SYN2: variants seen among roughly 807,000 people sequenced by gnomAD.
The protein encoded by SYN2 is synapsin-2.
Under a neutral mutation model 50.9 loss-of-function variants are expected in SYN2, and 19 were observed. That is an observed-to-expected ratio of 0.37 (90% CI 0.26 to 0.55). The LOEUF (loss-of-function observed/expected upper bound fraction) is 0.55. Among genes scored for constraint, SYN2 ranks in the 20% least tolerant of loss-of-function variants. The pLI is 0.81. For synonymous variants in SYN2, 255 were observed against 224.9 expected (o/e 1.13, Z -1.20); for missense variants, 587 against 576.4 (o/e 1.02, Z -0.19).
At chr3:12,065,897 T>C (rs1186192376) in intron 1 of SYN2, among the ~76,000 whole-genome samples, 1 of 152,110 alleles carries the variant, frequency 6.6e-6, no homozygotes, top group East Asian at 1.9e-4. Context: ...AGAGACCACA[T>C]GTTGTATGAT....
At chr3:12,040,383 A>G (rs1398452502) in intron 1 of SYN2, among the ~76,000 whole-genome samples, 1 of 151,424 alleles carries the variant, frequency 6.6e-6, no homozygotes, top group Non-Finnish European at 1.5e-5. Context: ...AGAGTGAGGC[A>G]GGAGGGTATT....
chr3:12,018,450 A>G (rs1694066122), intron 1 of SYN2, among the ~76,000 whole-genome samples: 1 of 152,210 alleles, frequency 6.6e-6, no homozygotes, highest in Non-Finnish European at 1.5e-5. Flanking sequence ...CCATAGAGCC[A>G]GGTGGTTAGC....
intron 1 of SYN2, among the ~76,000 whole-genome samples, chr3:12,083,292 G>A (rs1175004552): frequency 1.3e-5 from 2 of 152,220 alleles, no homozygotes; most frequent in African/African-American, 2.4e-5. Flanking sequence ...GATTACAGGC[G>A]TGAGCCACTG....
At chr3:12,179,374 GAAAAAAAAAAAAAA>G (rs536283283) in intron 10 of SYN2, among the ~76,000 whole-genome samples, 1 of 92,564 alleles carries the variant, frequency 1.1e-5, no homozygotes, top group Non-Finnish European at 2.1e-5. Flanking sequence ...AGAACTGAAA[GAAAAAAAAAAAAAA>G]AAAAAAAAAG....
At chr3:12,148,865 A>G (rs1418611377) in intron 4 of SYN2, among the ~76,000 whole-genome samples, 1 of 152,194 alleles carries the variant, frequency 6.6e-6, no homozygotes, top group Non-Finnish European at 1.5e-5. Flanking sequence ...ATATCTTCCT[A>G]TTAATTGCCA....
chr3:12,167,602 C>CT (rs376215814), intron 8 of SYN2, among the ~76,000 whole-genome samples: 3,906 of 146,460 alleles, frequency 0.027, 180 homozygotes, highest in African/African-American at 0.09. Flanking sequence ...CAAAATAAAC[C>CT]TTTTTTTTTT....
chr3:12,039,460 C>T (rs973103638), intron 1 of SYN2, among the ~76,000 whole-genome samples: 1 of 151,448 alleles, frequency 6.6e-6, no homozygotes, highest in Non-Finnish European at 1.5e-5. Context: ...TAAACTCTAC[C>T]TTTGTGCTAG....
intron 1 of SYN2, among the ~76,000 whole-genome samples, chr3:12,029,446 G>A (rs1226674437): frequency 4.0e-5 from 5 of 126,278 alleles, no homozygotes; most frequent in Admixed American, 7.6e-5. Context: ...GGATGGCATT[G>A]AATCTGTAAA....
intron 7 of SYN2, among the ~76,000 whole-genome samples, chr3:12,166,846 A>G (rs1030967185): frequency 6.6e-6 from 1 of 152,248 alleles, no homozygotes; most frequent in East Asian, 1.9e-4. Context: ...TGTACCTTCA[A>G]GTGGTTTTCA....
chr3:12,115,749 G>A (rs1274421975), intron 1 of SYN2, among the ~76,000 whole-genome samples: 4 of 152,072 alleles, frequency 2.6e-5, no homozygotes, highest in Non-Finnish European at 5.9e-5. Context: ...TGGGAGTGCT[G>A]TCTTGCTCCC....
At chr3:12,142,045 CTA>C in intron 3 of SYN2, 49 bp downstream of exon 3, 1 of 777,618 alleles carries the variant, frequency 1.3e-6, no homozygotes, top group Non-Finnish European at 2.4e-6. Flanking sequence ...TCCAGAGTTA[CTA>C]CCTCTGGCCC....
chr3:12,164,989 T>C (rs11922042), intron 7 of SYN2, among the ~76,000 whole-genome samples: 8,739 of 135,034 alleles, frequency 0.065, 335 homozygotes, highest in East Asian at 0.16. Flanking sequence ...CTTTTCTTTT[T>C]TTTTTTTTTT....
At chr3:12,111,533 C>T (rs917968338) in intron 1 of SYN2, among the ~76,000 whole-genome samples, 2 of 152,148 alleles carry the variant, frequency 1.3e-5, no homozygotes, top group Non-Finnish European at 2.9e-5. Flanking sequence ...TCAGGTCCTT[C>T]GGCAACCCTA....
chr3:12,166,272 C>T (rs924045490), intron 7 of SYN2, among the ~76,000 whole-genome samples: 4 of 152,368 alleles, frequency 2.6e-5, no homozygotes, highest in African/African-American at 9.6e-5. Flanking sequence ...CAGGACTCTT[C>T]TGTCCCCTAG....
At chr3:12,136,194 T>C (rs1402448741) in intron 1 of SYN2, among the ~76,000 whole-genome samples, 1 of 152,204 alleles carries the variant, frequency 6.6e-6, no homozygotes, top group Non-Finnish European at 1.5e-5. Context: ...ATAGCATAAA[T>C]GTTTGCTGCT....
rs745724167 is a variant in SYN2, at chr3:12,185,826, A to G, written c.1370-1543A>G. ...GCAAGAGACTGAGCTATTAACCTGT[A>G]TTACCTTACAGGAGAATGCTAATGC... On this transcript the variant is annotated intron_variant, in intron 11 of 12. Transcript: ENST00000621198. 78 of 941,966 alleles carry G rather than the reference A, an allele frequency of 8.3e-5. 1 individual carries two copies. The Middle Eastern group carries it at 4.9e-3, about 59-fold the overall frequency. The allele number at this position is 941,966 out of a possible 1,614,324, so 58.4% of individuals were successfully genotyped here.
chr3:12,116,695 C>T (rs1161034551), intron 1 of SYN2, among the ~76,000 whole-genome samples: 2 of 152,180 alleles, frequency 1.3e-5, no homozygotes, highest in Non-Finnish European at 1.5e-5. Context: ...GAGGGTTCCC[C>T]TTTGTTGATT....
chr3:12,037,951 TTTTGTGTATATCTAAAGAA>T (rs1413647786), intron 1 of SYN2, among the ~76,000 whole-genome samples: 1 of 152,218 alleles, frequency 6.6e-6, no homozygotes, highest in East Asian at 1.9e-4. Flanking sequence ...TGCTTGTGTT[TTTTGTGTATATCTAAAGAA>T]ACTGTTGCCT....
At chr3:12,153,485 T>C (rs1489327230) in intron 5 of SYN2, 3 of 1,611,542 alleles carry the variant, frequency 1.9e-6, no homozygotes, top group East Asian at 2.2e-5. Flanking sequence ...TTCAGGACTC[T>C]TGAAGGGATG....
Sources: gnomAD v4.1 joint callset for allele counts (sites outside exome capture counted in the v4.1 genomes callset) on GRCh38, gnomAD v4.1.1 for gene constraint, MANE v1.5 for transcripts, NCBI Gene and HGNC (gene_info 2026-07-23, HGNC 2026-07-21) for gene names.